Variants in SNTB2 observed in about 807,000 individuals in gnomAD.
The protein encoded by SNTB2 is syntrophin beta 2.
A neutral mutation model predicts 46.2 loss-of-function variants in SNTB2; 34 were observed. The observed-to-expected ratio is 0.74, with a 90% CI of 0.56 to 0.98. The LOEUF is 0.98. Ranked by LOEUF, SNTB2 falls within the 50% of genes least tolerant of loss-of-function variation. The pLI is 0.00. For missense variants in SNTB2, 603 were observed against 731.4 expected (o/e 0.82, Z 2.02); for synonymous variants, 290 against 312.6 (o/e 0.93, Z 0.76).
intron 2 of SNTB2, among the ~76,000 whole-genome samples, chr16:69,253,009 C>A (rs1221300506): frequency 6.6e-6 from 1 of 151,298 alleles, no homozygotes; most frequent in African/African-American, 2.4e-5. Flanking sequence ...ACGCCATTCT[C>A]CTGCCTCAGC....
intron 1 of SNTB2, among the ~76,000 whole-genome samples, chr16:69,233,244 C>T (rs1964525000): frequency 6.6e-6 from 1 of 152,180 alleles, no homozygotes; most frequent in Non-Finnish European, 1.5e-5. Context: ...TTTAGATATG[C>T]TGGTACATCA....
At chr16:69,188,002 C>T (rs1331094201) in intron 1 of SNTB2, among the ~76,000 whole-genome samples, 2 of 152,150 alleles carry the variant, frequency 1.3e-5, no homozygotes, top group Admixed American at 6.5e-5. Flanking sequence ...TGAAGCCCCA[C>T]CTCGGCCCGA....
intron 1 of SNTB2, among the ~76,000 whole-genome samples, chr16:69,200,917 C>T (rs889974031): frequency 2.6e-5 from 4 of 152,194 alleles, no homozygotes; most frequent in Non-Finnish European, 5.9e-5. Flanking sequence ...TCATTATTTT[C>T]TTCTTGTGGG....
At chr16:69,245,358 T>C (rs1450776505) in intron 1 of SNTB2, among the ~76,000 whole-genome samples, 1 of 152,080 alleles carries the variant, frequency 6.6e-6, no homozygotes, top group Non-Finnish European at 1.5e-5. Flanking sequence ...CACGCTCACC[T>C]AATTTTTTGT....
At chr16:69,300,744 C>T in intron 6 of SNTB2, 88 bp from the exon 7 acceptor site, 1 of 911,888 alleles carries the variant, frequency 1.1e-6, no homozygotes, top group East Asian at 2.4e-5. Flanking sequence ...ACATTCTTTA[C>T]CTACCTTAAA....
intron 1 of SNTB2, among the ~76,000 whole-genome samples, chr16:69,204,182 G>A (rs190982376): frequency 3.2e-3 from 486 of 152,298 alleles, no homozygotes; most frequent in Middle Eastern, 0.01. Context: ...GTGAGCTACT[G>A]TGCCTGGCCA....
chr16:69,253,379 G>C (rs1964743869), intron 2 of SNTB2, among the ~76,000 whole-genome samples: 1 of 151,832 alleles, frequency 6.6e-6, no homozygotes, highest in Non-Finnish European at 1.5e-5. Flanking sequence ...GCCGGGCGTG[G>C]TGCCTCACAC....
chr16:69,271,504 A>C (rs189481084), intron 4 of SNTB2, among the ~76,000 whole-genome samples: 63 of 152,348 alleles, frequency 4.1e-4, no homozygotes, highest in Admixed American at 1.3e-3. Context: ...CTTTGCGTGT[A>C]GTAGGCCATC....
intron 1 of SNTB2, chr16:69,191,137 C>G (rs1964047093): frequency 6.6e-6 from 1 of 151,276 alleles, no homozygotes; most frequent in Non-Finnish European, 1.5e-5. Context: ...GGTCCGAGTG[C>G]AGTGGTGTTT....
chr16:69,226,880 G>A (rs935938749), intron 1 of SNTB2, among the ~76,000 whole-genome samples: 3 of 152,158 alleles, frequency 2.0e-5, no homozygotes, highest in Non-Finnish European at 4.4e-5. Context: ...TCATTCAGAA[G>A]CCATTTGTTT....
rs1963996157 is a variant in SNTB2 at position 69,187,195 on chromosome 16, C to G, written c.29C>G (p.Ala10Gly). The G allele has an allele frequency of 1.4e-6, 2 of 1,384,362 alleles. No individual in the cohort carries two copies. The highest frequency in any genetic ancestry group is 1.9e-6 in the Non-Finnish European group (2 of 1,067,000). The allele number at this position is 1,384,362 out of a possible 1,614,324, so 85.8% of individuals were successfully genotyped here. A position where few individuals can be genotyped will look rare whatever the true frequency, so the allele number is the denominator to read the frequency against. ...AGGGTAGCTGCGGCGACTGCGGCGG[C>G]TGGAGCGGGGCCGGCCATGGCGGTG... Reference protein sequence around the residue: MRVAAATAAAGAGPAMAVWT... With the variant: MRVAAATAAGGAGPAMAVWT... Residue 10 changes from alanine (A) to glycine (G), a missense_variant, in exon 1 of 7, where the codon GCT becomes GGT. Physicochemically the swap from Ala to Gly is moderately conservative, Grantham distance 60. Coordinates refer to ENST00000336278, the MANE Select transcript of SNTB2 (RefSeq NM_006750.4).
intron 2 of SNTB2, among the ~76,000 whole-genome samples, chr16:69,259,182 T>C (rs942489246): frequency 1.3e-5 from 2 of 151,764 alleles, no homozygotes; most frequent in African/African-American, 4.8e-5. Context: ...CAGTTGGTGT[T>C]TCTTTTTTTA....
Position 69,190,727 on chromosome 16 carries a change from G to T in SNTB2, c.580+2981G>T, listed in dbSNP as rs114785754. On this transcript the variant is annotated intron_variant, in intron 1 of 6. Transcript: ENST00000336278. ...CATTAAAAAGCTATTCTAGCCAGTAGGGTAGAGTAGAAGCAAGGACTTTGT... is the reference window on the plus strand; with the variant it reads ...CATTAAAAAGCTATTCTAGCCAGTATGGTAGAGTAGAAGCAAGGACTTTGT... Among the ~76,000 whole-genome samples the T allele has an allele frequency of 7.6e-3, 1,155 of 152,278 alleles. 14 individuals carry two copies. Among genetic ancestry groups the T allele is most frequent in the African/African-American group, 0.025 (1,038 of 41,542 alleles).
At chr16:69,292,300 C>T (rs1012045418) in intron 5 of SNTB2, among the ~76,000 whole-genome samples, 2 of 142,368 alleles carry the variant, frequency 1.4e-5, no homozygotes, top group Non-Finnish European at 3.0e-5. Context: ...GTACTATCTA[C>T]ACAAAGTGGA....
intron 2 of SNTB2, 110 bp downstream of exon 2, chr16:69,245,925 T>C: frequency 8.9e-7 from 1 of 1,124,348 alleles, no homozygotes; most frequent in Non-Finnish European, 1.3e-6. Flanking sequence ...AACATCTGTC[T>C]GAGGTGAGAG....
chr16:69,188,055 T>A (rs903554954), intron 1 of SNTB2, among the ~76,000 whole-genome samples: 2 of 150,418 alleles, frequency 1.3e-5, no homozygotes, highest in African/African-American at 4.9e-5. Flanking sequence ...ACGGCTCGAG[T>A]GGGTCTGTCT....
chr16:69,249,824 TGCAGTG>T (rs1964708345), intron 2 of SNTB2, among the ~76,000 whole-genome samples: 1 of 152,220 alleles, frequency 6.6e-6, no homozygotes, highest in Non-Finnish European at 1.5e-5. Context: ...TTTGGCCGGG[TGCAGTG>T]GCTAACACCT....
rs186629612 is a variant in SNTB2, at chr16:69,284,294, T to C, written c.1345+50T>C. On this transcript the variant is annotated intron_variant, in intron 5 of 6. Transcript: ENST00000336278. ...TAGTAGTAATTAAATAGAACTGTTATATAGTCATGTGCTGCATAATGACAT... is the reference window on the plus strand; with the variant it reads ...TAGTAGTAATTAAATAGAACTGTTACATAGTCATGTGCTGCATAATGACAT... 100 of 1,478,024 alleles carry C rather than the reference T, an allele frequency of 6.8e-5. No individual in the cohort carries two copies. The African/African-American group carries it at 1.1e-3, about 16-fold the overall frequency. 91.6% of individuals were successfully genotyped at this position (1,478,024 alleles called of 1,614,324 possible). A position where few individuals can be genotyped will look rare whatever the true frequency, so the allele number is the denominator to read the frequency against.
At chr16:69,294,342 T>G (rs1296235854) in intron 5 of SNTB2, among the ~76,000 whole-genome samples, 1 of 152,088 alleles carries the variant, frequency 6.6e-6, no homozygotes, top group African/African-American at 2.4e-5. Context: ...TAAAGTTACA[T>G]CATGCTTGTA....
Sources: gnomAD v4.1 joint callset for allele counts (sites outside exome capture counted in the v4.1 genomes callset) on GRCh38, gnomAD v4.1.1 for gene constraint, MANE v1.5 for transcripts, NCBI Gene and HGNC (gene_info 2026-07-23, HGNC 2026-07-21) for gene names.